Variants in IL1RAP observed in about 807,000 individuals in gnomAD.
The protein encoded by IL1RAP is interleukin 1 receptor accessory protein.
IL1RAP carries 35 observed loss-of-function variants against 60.7 expected under a neutral mutation model. The observed-to-expected ratio is 0.58, with a 90% CI of 0.44 to 0.76. The LOEUF (loss-of-function observed/expected upper bound fraction) is 0.76, where lower values mean the gene tolerates loss of function less well. Among genes scored for constraint, IL1RAP ranks in the 30% least tolerant of loss-of-function variants. The pLI is 0.00. For synonymous variants in IL1RAP, 268 were observed against 250.9 expected, an observed-to-expected ratio of 1.07 and a Z score of -0.64; for missense variants, 572 against 693.9, an observed-to-expected ratio of 0.82 and a Z score of 1.97.
At chr3:190,647,182 A>G (rs1034320020) in intron 11 of IL1RAP, among the ~76,000 whole-genome samples, 3 of 152,122 alleles carry the variant, frequency 2.0e-5, no homozygotes, top group Admixed American at 6.5e-5. Context: ...ATGCTTGCAC[A>G]TGCTCAGCCT....
intron 4 of IL1RAP, among the ~76,000 whole-genome samples, chr3:190,607,266 G>A (rs1730413958): frequency 6.6e-6 from 1 of 152,124 alleles, no homozygotes; most frequent in African/African-American, 2.4e-5. Context: ...GCTACACATA[G>A]ACTCCTTATC....
intron 1 of IL1RAP, among the ~76,000 whole-genome samples, chr3:190,542,766 T>C (rs1037264761): frequency 4.6e-5 from 7 of 152,140 alleles, no homozygotes; most frequent in African/African-American, 7.2e-5. Flanking sequence ...ATTTCTGTTA[T>C]ATTATTTCAT....
chr3:190,586,309 G>A (rs1389271277), intron 3 of IL1RAP, among the ~76,000 whole-genome samples: 5 of 152,038 alleles, frequency 3.3e-5, no homozygotes, highest in Admixed American at 2.0e-4. Flanking sequence ...TTTATCCCTC[G>A]TTGGAGCCTA....
chr3:190,604,419 CT>C lies in IL1RAP; in HGVS notation c.350+7del. 1 of 1,610,598 alleles carries C rather than the reference CT, an allele frequency of 6.2e-7. No individual in the cohort carries two copies. Among genetic ancestry groups the C allele is most frequent in the Non-Finnish European group, 8.5e-7 (1 of 1,178,772 alleles). The stretch of plus-strand genomic sequence containing the variant: ...AACTATACCTGCATGTTAAGGTAGC[CT>C]GATTCTTGGCAGTGGCTTTCTCTTT... On this transcript the variant is annotated splice_region_variant and intron_variant, in intron 4 of 11. Coordinates refer to ENST00000447382, the MANE Select transcript of IL1RAP (RefSeq NM_002182.4).
At chr3:190,614,140 A>C (rs866833475) in intron 5 of IL1RAP, among the ~76,000 whole-genome samples, 3 of 151,208 alleles carry the variant, frequency 2.0e-5, no homozygotes, top group Non-Finnish European at 4.4e-5. Flanking sequence ...AGGTTCCTAC[A>C]TCTGTTGGTT....
chr3:190,653,666 C>T (rs1292487299), downstream of IL1RAP, among the ~76,000 whole-genome samples: 1 of 152,034 alleles, frequency 6.6e-6, no homozygotes, highest in African/African-American at 2.4e-5. Context: ...AGTTCTCAGT[C>T]ATACAACATG....
intron 1 of IL1RAP, among the ~76,000 whole-genome samples, chr3:190,536,526 C>A (rs539131783): frequency 2.6e-5 from 4 of 152,024 alleles, no homozygotes; most frequent in Non-Finnish European, 4.4e-5. Context: ...ATGCTAGGGA[C>A]CCTAATGATT....
At chr3:190,606,635 G>T (rs1730351973) in intron 4 of IL1RAP, among the ~76,000 whole-genome samples, 1 of 152,140 alleles carries the variant, frequency 6.6e-6, no homozygotes, top group Non-Finnish European at 1.5e-5. Flanking sequence ...ATTAAGACCT[G>T]CATATACCTT....
downstream of IL1RAP, chr3:190,656,198 G>T: frequency 6.5e-7 from 1 of 1,537,254 alleles, no homozygotes; most frequent in Non-Finnish European, 8.7e-7. Flanking sequence ...CTGAGTGCCA[G>T]TTCTGGCTGG....
intron 9 of IL1RAP, 95 bp downstream of exon 9, chr3:190,629,593 CACCTAGCCCG>C: frequency 6.8e-7 from 1 of 1,477,170 alleles, no homozygotes; most frequent in Non-Finnish European, 9.0e-7. Flanking sequence ...AGAGCTCCAG[CACCTAGCCCG>C]ACGGCATCTA....
At position 190,650,281 on chromosome 3, in the gene IL1RAP, ATAACT is replaced by A; in HGVS notation, c.*1580_*1584del. On this transcript the variant is annotated 3_prime_UTR_variant, in exon 12 of 12. Coordinates refer to ENST00000447382, the MANE Select transcript of IL1RAP (RefSeq NM_002182.4). Reference sequence around the variant, plus strand: ...TCTTGCCTTCCCTAAGTTTATATAAATAACTTAAGTATTGCTACAGTTTATCTAGG... The same window carrying A: ...TCTTGCCTTCCCTAAGTTTATATAAATAAGTATTGCTACAGTTTATCTAGG... The A allele has an allele frequency of 1.0e-6, 1 of 985,092 alleles. No individual in the cohort carries two copies. Among genetic ancestry groups the A allele is most frequent in the South Asian group, 4.7e-5 (1 of 21,278 alleles). The allele number at this position is 985,092 out of a possible 1,614,324, so 61.0% of individuals were successfully genotyped here.
intron 5 of IL1RAP, among the ~76,000 whole-genome samples, chr3:190,612,773 A>C (rs1355364771): frequency 6.6e-6 from 1 of 152,178 alleles, no homozygotes; most frequent in Non-Finnish European, 1.5e-5. Flanking sequence ...CATAAAGTGG[A>C]AAAATCATAA....
At chr3:190,637,743 C>CAT (rs1733334526) in intron 9 of IL1RAP, among the ~76,000 whole-genome samples, 1 of 152,034 alleles carries the variant, frequency 6.6e-6, no homozygotes, top group African/African-American at 2.4e-5. Flanking sequence ...CAGAAAGTAA[C>CAT]ATTCTTCCCC....
intron 2 of IL1RAP, among the ~76,000 whole-genome samples, chr3:190,559,358 A>G (rs1025392699): frequency 3.9e-5 from 6 of 151,940 alleles, no homozygotes; most frequent in Non-Finnish European, 8.8e-5. Flanking sequence ...ATTTTTCTAT[A>G]TGTATATATT....
intron 1 of IL1RAP, among the ~76,000 whole-genome samples, chr3:190,529,305 G>A (rs1257201225): frequency 2.6e-5 from 4 of 151,564 alleles, no homozygotes; most frequent in Non-Finnish European, 5.9e-5. Context: ...TGGGAGGGCC[G>A]AGGCAGGTGG....
chr3:190,606,900 A>C (rs1166916346), intron 4 of IL1RAP, among the ~76,000 whole-genome samples: 1 of 152,126 alleles, frequency 6.6e-6, no homozygotes, highest in East Asian at 1.9e-4. Flanking sequence ...ATACTGTTCA[A>C]CTTTGGGAGC....
intron 1 of IL1RAP, among the ~76,000 whole-genome samples, chr3:190,541,270 C>T (rs149574494): frequency 6.6e-6 from 1 of 152,200 alleles, no homozygotes; most frequent in East Asian, 1.9e-4. Flanking sequence ...ACAAAGCTGA[C>T]AAAAGGCCTT....
chr3:190,620,914 C>G (rs1203173712), intron 6 of IL1RAP, among the ~76,000 whole-genome samples: 1 of 152,160 alleles, frequency 6.6e-6, no homozygotes, highest in Non-Finnish European at 1.5e-5. Context: ...TTTCTACATA[C>G]TGAAACTGCT....
At chr3:190,594,926 C>T (rs7642899) in intron 3 of IL1RAP, among the ~76,000 whole-genome samples, 1 of 152,146 alleles carries the variant, frequency 6.6e-6, no homozygotes, top group African/African-American at 2.4e-5. Flanking sequence ...GTTGTGGAAA[C>T]TGAGGTTCAA....
Sources: gnomAD v4.1 joint callset for allele counts (sites outside exome capture counted in the v4.1 genomes callset) on GRCh38, gnomAD v4.1.1 for gene constraint, MANE v1.5 for transcripts, NCBI Gene and HGNC (gene_info 2026-07-23, HGNC 2026-07-21) for gene names.